The following ZDHHC14 variants were observed in gnomAD, a reference collection of about 807,000 sequenced individuals.
ZDHHC14 encodes zDHHC palmitoyltransferase 14, also known as palmitoyltransferase ZDHHC14.
Under a neutral mutation model 47.7 loss-of-function variants are expected in ZDHHC14, and 16 were observed. That is an observed-to-expected ratio of 0.34 (90% CI 0.23 to 0.51). The LOEUF (loss-of-function observed/expected upper bound fraction) is 0.51. ZDHHC14 is among the 20% of genes least tolerant of loss of function. ZDHHC14 has a pLI of 0.97. For synonymous variants in ZDHHC14, 293 were observed against 278.9 expected (o/e 1.05, Z -0.50); for missense variants, 515 against 662.5 (o/e 0.78, Z 2.44).
At chr6:157,530,889 G>A (rs905251689) in intron 1 of ZDHHC14, among the ~76,000 whole-genome samples, 10 of 150,840 alleles carry the variant, frequency 6.6e-5, no homozygotes, top group Non-Finnish European at 1.3e-4. Context: ...TTATGATGAC[G>A]GATATGTTAA....
intron 5 of ZDHHC14, among the ~76,000 whole-genome samples, chr6:157,637,768 A>G (rs958740055): frequency 1.3e-5 from 2 of 152,222 alleles, no homozygotes; most frequent in Non-Finnish European, 2.9e-5. Context: ...CAATAAAAAT[A>G]TTTTGACGAG....
rs1018730769 is a variant in ZDHHC14, at chr6:157,649,083, T to A, written c.965+1715T>A. On this transcript the variant is annotated intron_variant, in intron 7 of 8. Coordinates refer to ENST00000359775, the MANE Select transcript of ZDHHC14 (RefSeq NM_024630.3). ...TGTGCTGTTTTGGCTGGATTGGGGC[T>A]GTATCTTTTCCAAAATCCATGTTCC... is the stretch of plus-strand genomic sequence containing the variant. Among the ~76,000 whole-genome samples the A allele has an allele frequency of 5.9e-5, 9 of 152,346 alleles. No individual in the cohort carries two copies. In the East Asian group the frequency reaches 1.5e-3, roughly 26 times the overall value.
chr6:157,447,120 AAAAG>A (rs1205301697), intron 1 of ZDHHC14, among the ~76,000 whole-genome samples: 1 of 151,994 alleles, frequency 6.6e-6, no homozygotes, highest in Admixed American at 6.6e-5. Context: ...TCCATATCAA[AAAAG>A]AAAGAAAGAA....
At chr6:157,667,447 T>G (rs987168458) in intron 8 of ZDHHC14, among the ~76,000 whole-genome samples, 2 of 148,204 alleles carry the variant, frequency 1.3e-5, no homozygotes, top group Admixed American at 6.7e-5. Context: ...AAGAGAGAGG[T>G]AGAAAGGAAG....
At chr6:157,472,788 C>A (rs1298353249) in intron 1 of ZDHHC14, among the ~76,000 whole-genome samples, 1 of 152,158 alleles carries the variant, frequency 6.6e-6, no homozygotes, top group Admixed American at 6.5e-5. Flanking sequence ...CAAAGGGCAG[C>A]TTTGCTCTTA....
Position 157,658,633 on chromosome 6 carries a change from G to A in ZDHHC14, c.1068+5006G>A, listed in dbSNP as rs141983711. On this transcript the variant is annotated intron_variant, in intron 8 of 8. Coordinates refer to ENST00000359775, the MANE Select transcript of ZDHHC14 (RefSeq NM_024630.3). The stretch of plus-strand genomic sequence containing the variant: ...GGAGTGTGTGTTGCTTTTCTTATTT[G>A]TCTCCTATTTCTTGAATTTATGGGA... 3.8e-4 allele frequency among the ~76,000 whole-genome samples: 58 copies of A among 152,250 alleles called. No individual in the cohort carries two copies. The East Asian group carries it at 9.6e-3, about 25-fold the overall frequency.
intron 1 of ZDHHC14, among the ~76,000 whole-genome samples, chr6:157,518,601 G>A (rs972245622): frequency 2.0e-5 from 3 of 152,130 alleles, no homozygotes; most frequent in Non-Finnish European, 4.4e-5. Context: ...GTGCACCAGC[G>A]GATGGGGCTC....
intron 3 of ZDHHC14, among the ~76,000 whole-genome samples, chr6:157,602,506 A>AAAAAG (rs71027354): frequency 2.1e-5 from 3 of 145,430 alleles, no homozygotes; most frequent in African/African-American, 7.7e-5. Context: ...AAAAAAAAAA[A>AAAAAG]AACGCATTCA....
chr6:157,534,207 G>C (rs1781461640), intron 1 of ZDHHC14, among the ~76,000 whole-genome samples: 4 of 152,118 alleles, frequency 2.6e-5, no homozygotes. Context: ...CGCTTGGTAT[G>C]TGCAGGTCTT....
At chr6:157,396,880 T>C (rs1777533096) in intron 1 of ZDHHC14, among the ~76,000 whole-genome samples, 1 of 152,258 alleles carries the variant, frequency 6.6e-6, no homozygotes, top group African/African-American at 2.4e-5. Context: ...GTATTGCTTT[T>C]AAACTGTATG....
intron 3 of ZDHHC14, among the ~76,000 whole-genome samples, 187 bp downstream of exon 3, chr6:157,593,333 C>T (rs879273654): frequency 1.1e-4 from 16 of 149,972 alleles, no homozygotes; most frequent in Admixed American, 7.9e-4. Flanking sequence ...ACACCCTGCA[C>T]CGCCCTTGGC....
chr6:157,430,552 C>T (rs1471091243), intron 1 of ZDHHC14, among the ~76,000 whole-genome samples: 1 of 152,188 alleles, frequency 6.6e-6, no homozygotes, highest in African/African-American at 2.4e-5. Context: ...GGGTCCTTCT[C>T]ACACTGCCAT....
chr6:157,430,779 A>G (rs1778323932), intron 1 of ZDHHC14, among the ~76,000 whole-genome samples: 1 of 152,254 alleles, frequency 6.6e-6, no homozygotes, highest in Admixed American at 6.5e-5. Flanking sequence ...TGCCTACTGC[A>G]TATGTTTTGA....
chr6:157,475,444 A>C (rs1779458601), intron 1 of ZDHHC14, among the ~76,000 whole-genome samples: 1 of 152,116 alleles, frequency 6.6e-6, no homozygotes, highest in Non-Finnish European at 1.5e-5. Context: ...TCTGTAGATC[A>C]CTTTAGGCAA....
At chr6:157,567,251 A>T (rs372916102) in intron 2 of ZDHHC14, among the ~76,000 whole-genome samples, 1 of 152,264 alleles carries the variant, frequency 6.6e-6, no homozygotes, top group Admixed American at 6.5e-5. Flanking sequence ...ATGCAAAAAC[A>T]TAGGGTAATG....
intron 8 of ZDHHC14, among the ~76,000 whole-genome samples, chr6:157,658,747 A>G (rs1778215608): frequency 6.6e-6 from 1 of 152,178 alleles, no homozygotes; most frequent in African/African-American, 2.4e-5. Flanking sequence ...TTCTGTCTGT[A>G]TTCATAAGGG....
intron 5 of ZDHHC14, among the ~76,000 whole-genome samples, chr6:157,634,037 G>T (rs999705117): frequency 2.6e-5 from 4 of 152,184 alleles, no homozygotes; most frequent in African/African-American, 9.7e-5. Context: ...ATGTCCCTGA[G>T]AACTGGTATG....
At position 157,454,498 on chromosome 6, in the gene ZDHHC14, CTTTT is replaced by C. The variant is rs5881212; in HGVS notation, c.245+72247_245+72250del. Reference sequence around the variant, plus strand: ...TAAAATGCTTTTAATGCAGCTTCTTCTTTTTTTTTTTTTTTTTTGCCACGAGTCT... The same window carrying C: ...TAAAATGCTTTTAATGCAGCTTCTTCTTTTTTTTTTTTTTGCCACGAGTCT... On this transcript the variant is annotated intron_variant, in intron 1 of 8. Coordinates refer to ENST00000359775, the MANE Select transcript of ZDHHC14 (RefSeq NM_024630.3). 2.5e-3 allele frequency among the ~76,000 whole-genome samples: 319 copies of C among 127,676 alleles called. 1 individual carries two copies. Among genetic ancestry groups the C allele is most frequent in the South Asian group, 3.2e-3 (13 of 4,114 alleles). The allele number at this position is 127,676 out of a possible 152,430, so 83.8% of individuals were successfully genotyped here. A position where few individuals can be genotyped will look rare whatever the true frequency, so the allele number is the denominator to read the frequency against.
chr6:157,383,488 A>G (rs1237650165), intron 1 of ZDHHC14, among the ~76,000 whole-genome samples: 3 of 152,184 alleles, frequency 2.0e-5, no homozygotes, highest in Non-Finnish European at 4.4e-5. Context: ...TTGCTCTTCC[A>G]AATGCTGTCT....
Sources: allele counts gnomAD v4.1 joint callset (sites outside exome capture counted in the v4.1 genomes callset), GRCh38; gene constraint gnomAD v4.1.1; transcripts MANE v1.5; gene names NCBI Gene and HGNC (gene_info 2026-07-23, HGNC 2026-07-21).